Variants in LATS1 observed in about 807,000 individuals in gnomAD.
LATS1 encodes the protein serine/threonine-protein kinase LATS1.
Under a neutral mutation model 106.6 loss-of-function variants are expected in LATS1, and 25 were observed. The ratio of observed to expected loss-of-function variants is 0.23; its 90% confidence interval spans 0.17 to 0.33. The LOEUF (loss-of-function observed/expected upper bound fraction) is 0.33, where lower values mean the gene tolerates loss of function less well. Ranked by LOEUF, LATS1 falls within the 10% of genes least tolerant of loss-of-function variation. The pLI, the probability that LATS1 is intolerant of heterozygous loss-of-function variation, is 1.00. For synonymous variants in LATS1, 465 were observed against 455.6 expected (o/e 1.02, Z -0.26); for missense variants, 1,040 against 1,382.6 (o/e 0.75, Z 3.93).
At chr6:149,713,919 C>T (rs12200670) in intron 1 of LATS1, among the ~76,000 whole-genome samples, 60,965 of 151,770 alleles carry the variant, frequency 0.4, 13,135 homozygotes, top group East Asian at 0.81. Flanking sequence ...CTCGGCCTCC[C>T]GAAGTGCTGG....
chr6:149,716,370 A>AT (rs1784396046), intron 1 of LATS1: 1 of 152,192 alleles, frequency 6.6e-6, no homozygotes, highest in African/African-American at 2.4e-5. Context: ...CTTTCTAATA[A>AT]TTGTCAGATC....
At chr6:149,714,263 C>T (rs1303028053) in intron 1 of LATS1, among the ~76,000 whole-genome samples, 1 of 152,144 alleles carries the variant, frequency 6.6e-6, no homozygotes, top group Admixed American at 6.5e-5. Context: ...TGAGCTACCA[C>T]GCCCAGCTAT....
At chr6:149,710,402 C>G (rs1170328903) in intron 1 of LATS1, among the ~76,000 whole-genome samples, 2 of 152,142 alleles carry the variant, frequency 1.3e-5, no homozygotes, top group Non-Finnish European at 2.9e-5. Context: ...GAAGAAGGCA[C>G]AAAAATTAGG....
chr6:149,687,648 G>A (rs891535576), intron 3 of LATS1, among the ~76,000 whole-genome samples: 3 of 151,918 alleles, frequency 2.0e-5, no homozygotes, highest in Non-Finnish European at 4.4e-5. Flanking sequence ...GTCCAGGCTG[G>A]TCTCAAACTC....
intron 7 of LATS1, among the ~76,000 whole-genome samples, chr6:149,664,008 C>T (rs537297784): frequency 6.6e-6 from 1 of 152,034 alleles, no homozygotes; most frequent in African/African-American, 2.4e-5. Flanking sequence ...CGGGGTTTCA[C>T]CATGTTGGCC....
chr6:149,681,885 C>T (rs992061646), intron 4 of LATS1, among the ~76,000 whole-genome samples: 1 of 152,108 alleles, frequency 6.6e-6, no homozygotes, highest in African/African-American at 2.4e-5. Flanking sequence ...GAGGCAGACG[C>T]GGGTGGGTCA....
intron 3 of LATS1, among the ~76,000 whole-genome samples, chr6:149,689,146 C>T (rs6910796): frequency 2.0e-5 from 3 of 150,870 alleles, no homozygotes; most frequent in Admixed American, 6.6e-5. Context: ...CCAGTCTGGG[C>T]GACAGAGCAA....
At position 149,684,175 on chromosome 6, in the gene LATS1, A is replaced by G; in HGVS notation, c.914T>C (p.Leu305Pro). 6.2e-7 allele frequency: 1 copy of G among 1,614,208 alleles called. No homozygotes were observed. The highest frequency in any genetic ancestry group is 1.3e-5 in the African/African-American group (1 of 75,052). Residue 305 changes from leucine to proline, a missense_variant, in exon 4 of 8, where the codon CTC becomes CCC. By Grantham distance (98) the Leu-to-Pro change is moderately conservative. This residue lies in a region of LATS1 where 624 missense variants were observed against 714.8 expected (regional missense o/e 0.87). Coordinates refer to ENST00000543571, the MANE Select transcript of LATS1 (RefSeq NM_004690.4). ...AWQEGYPPPP[L>P]NTSPMNPPNQ... ...AGGAGGATTCATGGGGGAAGTGTTG[A>G]GAGGTGGTGGAGGATAGCCCTCTTG...
chr6:149,694,310 G>A (rs950430844), intron 3 of LATS1, among the ~76,000 whole-genome samples: 2 of 152,132 alleles, frequency 1.3e-5, no homozygotes, highest in Non-Finnish European at 2.9e-5. Flanking sequence ...TTAGTTAAAT[G>A]AAGTATATGA....
chr6:149,667,038 A>C (rs955864064), intron 7 of LATS1, among the ~76,000 whole-genome samples: 1 of 152,190 alleles, frequency 6.6e-6, no homozygotes, highest in South Asian at 2.1e-4. Context: ...AGTATCAAAA[A>C]GAAATTTTAT....
chr6:149,684,806 T>C (rs747011492), intron 3 of LATS1, among the ~76,000 whole-genome samples: 16 of 152,096 alleles, frequency 1.1e-4, no homozygotes, highest in Non-Finnish European at 2.1e-4. Flanking sequence ...GAGAGTAAAT[T>C]TGAAGTATTC....
At chr6:149,692,677 CT>C (rs113162358) in intron 3 of LATS1, among the ~76,000 whole-genome samples, 317 of 141,664 alleles carry the variant, frequency 2.2e-3, no homozygotes, top group Non-Finnish European at 2.6e-3. Context: ...CTTTTTCTTT[CT>C]TTTTTTTTTT....
Position 149,707,011 on chromosome 6 carries a change from CTTTTTTTTT to C in LATS1, c.-140-4754_-140-4746del, listed in dbSNP as rs745424840. On this transcript the variant is annotated intron_variant, in intron 1 of 7. Coordinates refer to ENST00000543571, the MANE Select transcript of LATS1 (RefSeq NM_004690.4). ...TCATAATACACAAAACTGGACATCT[CTTTTTTTTT>C]TTTTTTTTTTTTGAAGATGGAGTCT... 6.3e-5 allele frequency among the ~76,000 whole-genome samples: 7 copies of C among 110,430 alleles called. No individual in the cohort carries two copies. The East Asian group carries it at 7.9e-4, about 12-fold the overall frequency. 72.4% of individuals were successfully genotyped at this position (110,430 alleles called of 152,430 possible).
chr6:149,682,181 A>G (rs1413001481), intron 4 of LATS1, among the ~76,000 whole-genome samples: 1 of 151,982 alleles, frequency 6.6e-6, no homozygotes, highest in East Asian at 1.9e-4. Context: ...AACACAGATT[A>G]AAGTGTGTTT....
chr6:149,701,388 T>C (rs1048902269), intron 2 of LATS1, among the ~76,000 whole-genome samples: 1 of 152,196 alleles, frequency 6.6e-6, no homozygotes, highest in African/African-American at 2.4e-5. Context: ...TTCTCCCTAC[T>C]ATAAAGTTAA....
At chr6:149,706,774 G>GGACA (rs2114990980) in intron 1 of LATS1, among the ~76,000 whole-genome samples, 1 of 152,152 alleles carries the variant, frequency 6.6e-6, no homozygotes, top group African/African-American at 2.4e-5. Flanking sequence ...AAGTGGCAAG[G>GGACA]GACAGCTTCT....
intron 7 of LATS1, among the ~76,000 whole-genome samples, chr6:149,665,372 A>T (rs948042362): frequency 5.9e-5 from 9 of 152,124 alleles, no homozygotes; most frequent in Admixed American, 1.3e-4. Context: ...ATAAATATAT[A>T]AATTAATAAA....
chr6:149,680,391 T>A lies in LATS1; in HGVS notation c.2077A>T (p.Ile693Phe), dbSNP rs1217069094. The change falls in exon 5 of 8, where the codon ATC becomes TTC. Residue 693 changes from isoleucine to phenylalanine, a missense_variant. By Grantham distance (21) the Ile-to-Phe change is conservative. Around this residue, in one of 7 missense-constraint regions of LATS1, gnomAD observed 167 missense variants for 332.1 expected, o/e 0.50. Transcript: ENST00000543571. ...KMLCQKESNY[I>F]RLKRAKMDKS... ...TCCATTTTAGCCCTTTTAAGACGGA[T>A]GTAATTAGATTCTTTTTGGCAAAGC... The A allele has an allele frequency of 6.2e-7, 1 of 1,613,876 alleles. No homozygotes were observed. The highest frequency in any genetic ancestry group is 1.3e-5 in the African/African-American group (1 of 75,022).
chr6:149,711,495 G>A (rs1056191282), intron 1 of LATS1, among the ~76,000 whole-genome samples: 1 of 152,074 alleles, frequency 6.6e-6, no homozygotes, highest in Non-Finnish European at 1.5e-5. Context: ...AGTGAGCGGA[G>A]ATTGTGCCAC....
Sources: allele counts gnomAD v4.1 joint callset (sites outside exome capture counted in the v4.1 genomes callset), GRCh38; gene constraint gnomAD v4.1.1; regional missense constraint gnomAD v4.1.1; transcripts MANE v1.5; gene names NCBI Gene and HGNC (gene_info 2026-07-23, HGNC 2026-07-21).